The following ATXN7L1 variants were observed in gnomAD, a reference collection of about 807,000 sequenced individuals.
ATXN7L1 encodes ataxin-7-like protein 1.
In ATXN7L1, 15 loss-of-function variants were observed where a neutral mutation model predicts 70.8. The ratio of observed to expected loss-of-function variants is 0.21; its 90% CI spans 0.14 to 0.33. ATXN7L1 has a LOEUF of 0.33. Among genes scored for constraint, ATXN7L1 ranks in the 10% least tolerant of loss-of-function variants. The probability of loss-of-function intolerance (pLI) is 1.00; values close to 1 mark genes in which losing one functional copy is unlikely to be tolerated. For synonymous variants in ATXN7L1, 440 were observed against 445.1 expected (o/e 0.99, Z 0.14); for missense variants, 975 against 1,097.1 (o/e 0.89, Z 1.57).
intron 3 of ATXN7L1, among the ~76,000 whole-genome samples, chr7:105,701,952 T>C (rs1792515643): frequency 6.6e-6 from 1 of 152,124 alleles, no homozygotes; most frequent in Non-Finnish European, 1.5e-5. Context: ...ATTATGGAGG[T>C]GGAAACTCAA....
rs145571981 is a variant in ATXN7L1 at position 105,692,702 on chromosome 7, C to A, written c.356-27414G>T. Among the ~76,000 whole-genome samples, 986 of 152,132 alleles carry A rather than the reference C, an allele frequency of 6.5e-3. 12 individuals are homozygous for A. The highest frequency in any genetic ancestry group is 0.038 in the South Asian group (184 of 4,804). ...CCTCAAGCGATCAACCCGTCTCAGC[C>A]TCCCAGAGTGCTGGGATTACAGGTA... On this transcript the variant is annotated intron_variant, in intron 3 of 11. Transcript: ENST00000419735.
rs553141291 is a variant in ATXN7L1 at position 105,864,149 on chromosome 7, G to A, written c.250+11663C>T. Reference sequence around the variant, plus strand: ...TCAGGAAACAACAGAGCCACCTGAGGAGCCTGTTTAAAATGCACGTTCCTG... The same window carrying A: ...TCAGGAAACAACAGAGCCACCTGAGAAGCCTGTTTAAAATGCACGTTCCTG... On this transcript the variant is annotated intron_variant, in intron 2 of 11. Transcript: ENST00000419735. Among the ~76,000 whole-genome samples, 11 of 152,170 alleles carry A rather than the reference G, an allele frequency of 7.2e-5. 1 individual carries two copies. The South Asian group carries it at 2.3e-3, about 32-fold the overall frequency.
At chr7:105,734,580 C>T (rs1196948024) in intron 3 of ATXN7L1, among the ~76,000 whole-genome samples, 3 of 152,042 alleles carry the variant, frequency 2.0e-5, no homozygotes, top group Non-Finnish European at 2.9e-5. Flanking sequence ...TGCCCTCCAG[C>T]TGAGGCTCTG....
chr7:105,795,051 T>C (rs1196923864), intron 2 of ATXN7L1, among the ~76,000 whole-genome samples: 2 of 152,202 alleles, frequency 1.3e-5, no homozygotes, highest in African/African-American at 4.8e-5. Context: ...ACTGAGGTTC[T>C]CCCAGGCCTC....
At chr7:105,692,121 T>G (rs970626775) in intron 3 of ATXN7L1, among the ~76,000 whole-genome samples, 5 of 152,178 alleles carry the variant, frequency 3.3e-5, no homozygotes, top group African/African-American at 1.2e-4. Context: ...GTCATGCTAC[T>G]TTATTGGTGG....
At chr7:105,832,258 G>A (rs1215523374) in intron 2 of ATXN7L1, among the ~76,000 whole-genome samples, 3 of 152,102 alleles carry the variant, frequency 2.0e-5, no homozygotes, top group African/African-American at 7.2e-5. Context: ...TGCATTTGGG[G>A]AGTAGAAATT....
intron 7 of ATXN7L1, among the ~76,000 whole-genome samples, chr7:105,624,479 G>A (rs567850257): frequency 1.3e-5 from 2 of 152,094 alleles, no homozygotes; most frequent in East Asian, 1.9e-4. Context: ...GTGAAACCCC[G>A]TCTCTACTAA....
chr7:105,790,549 C>G (rs1054775391), intron 2 of ATXN7L1, among the ~76,000 whole-genome samples: 5 of 151,876 alleles, frequency 3.3e-5, no homozygotes, highest in Non-Finnish European at 7.4e-5. Flanking sequence ...CCACTGCACT[C>G]CAGCCTGGGC....
chr7:105,733,484 A>T, intron 3 of ATXN7L1, among the ~76,000 whole-genome samples: 1 of 150,720 alleles, frequency 6.6e-6, no homozygotes, highest in African/African-American at 2.4e-5. Flanking sequence ...CAGGAGGTCC[A>T]TCCATCCACC....
At chr7:105,665,005 C>T in intron 4 of ATXN7L1, 61 bp downstream of exon 4, 2 of 1,446,668 alleles carry the variant, frequency 1.4e-6, no homozygotes, top group Non-Finnish European at 1.9e-6. Flanking sequence ...TACTATTTCC[C>T]CATGGTGACA....
chr7:105,771,806 G>C (rs1376440549), intron 3 of ATXN7L1, among the ~76,000 whole-genome samples: 1 of 152,044 alleles, frequency 6.6e-6, no homozygotes, highest in Non-Finnish European at 1.5e-5. Flanking sequence ...TGTTAAAAAC[G>C]TAATGGCAAT....
intron 3 of ATXN7L1, among the ~76,000 whole-genome samples, chr7:105,732,444 T>C (rs934327635): frequency 1.3e-5 from 2 of 152,252 alleles, no homozygotes; most frequent in East Asian, 1.9e-4. Flanking sequence ...CTAATGTATA[T>C]GAATTATGGA....
intron 8 of ATXN7L1, among the ~76,000 whole-genome samples, chr7:105,623,672 C>T (rs1380668808): frequency 6.6e-6 from 1 of 152,294 alleles, no homozygotes; most frequent in East Asian, 1.9e-4. Flanking sequence ...AAGACAGTTT[C>T]CAGAGTAGGT....
chr7:105,663,131 C>T (rs114582418), intron 4 of ATXN7L1, among the ~76,000 whole-genome samples: 1 of 152,352 alleles, frequency 6.6e-6, no homozygotes, highest in African/African-American at 2.4e-5. Flanking sequence ...GGCACATTCT[C>T]AGGTCACAGA....
intron 3 of ATXN7L1, among the ~76,000 whole-genome samples, chr7:105,667,698 CAAAAAAAA>C (rs397890100): frequency 4.2e-5 from 2 of 47,066 alleles, no homozygotes; most frequent in Non-Finnish European, 7.7e-5. Context: ...GACTCCGTCT[CAAAAAAAA>C]AAAAAAAAAA....
intron 4 of ATXN7L1, chr7:105,649,502 G>C: frequency 1.0e-6 from 1 of 987,736 alleles, no homozygotes; most frequent in Non-Finnish European, 1.2e-6. Flanking sequence ...GGGTCCTCTG[G>C]CTTTAAGAAA....
intron 4 of ATXN7L1, among the ~76,000 whole-genome samples, chr7:105,663,928 C>A (rs1168206088): frequency 1.3e-5 from 2 of 152,030 alleles, no homozygotes; most frequent in Admixed American, 6.6e-5. Flanking sequence ...TAACACTATG[C>A]CCAGCTAATT....
intron 3 of ATXN7L1, among the ~76,000 whole-genome samples, chr7:105,710,315 A>T (rs370692802): frequency 6.6e-6 from 1 of 152,240 alleles, no homozygotes; most frequent in South Asian, 2.1e-4. Context: ...GAAACTTACA[A>T]TCATGGTAGA....
intron 3 of ATXN7L1, among the ~76,000 whole-genome samples, chr7:105,730,126 G>A (rs186129900): frequency 6.6e-6 from 1 of 152,266 alleles, no homozygotes; most frequent in East Asian, 1.9e-4. Context: ...GGCTGTGGGA[G>A]AAGAGTAATT....
Sources: gnomAD v4.1 joint callset for allele counts (sites outside exome capture counted in the v4.1 genomes callset) on GRCh38, gnomAD v4.1.1 for gene constraint, MANE v1.5 for transcripts, NCBI Gene and HGNC (gene_info 2026-07-23, HGNC 2026-07-21) for gene names.